SUGCT: variants seen among roughly 807,000 people sequenced by gnomAD.
SUGCT encodes the protein succinyl-CoA:glutarate CoA-transferase.
A neutral mutation model predicts 55.0 loss-of-function variants in SUGCT; 41 were observed. The observed-to-expected ratio is 0.74, with a 90% CI of 0.58 to 0.97. SUGCT has a LOEUF of 0.97. SUGCT is among the 50% of genes least tolerant of loss of function. SUGCT has a pLI of 0.00. For missense variants in SUGCT, 568 were observed against 547.8 expected (o/e 1.04, Z -0.37); for synonymous variants, 187 against 200.4 (o/e 0.93, Z 0.56).
intron 9 of SUGCT, among the ~76,000 whole-genome samples, chr7:40,329,083 TA>T (rs1244280164): frequency 6.6e-6 from 1 of 152,196 alleles, no homozygotes; most frequent in Non-Finnish European, 1.5e-5. Context: ...GTTTTGTTCC[TA>T]GGGGTGTCCA....
At chr7:40,458,735 G>A (rs974388633) in intron 10 of SUGCT, among the ~76,000 whole-genome samples, 40 of 152,160 alleles carry the variant, frequency 2.6e-4, no homozygotes, top group Admixed American at 1.9e-3. Context: ...AATTTGGTCC[G>A]TTTTACCCAG....
intron 12 of SUGCT, among the ~76,000 whole-genome samples, chr7:40,688,983 G>A (rs1256700181): frequency 6.6e-6 from 1 of 152,144 alleles, no homozygotes; most frequent in Non-Finnish European, 1.5e-5. Context: ...CTAACTTAAA[G>A]GACTGTGGAG....
At chr7:40,414,709 C>G (rs1786874921) in intron 9 of SUGCT, among the ~76,000 whole-genome samples, 2 of 151,826 alleles carry the variant, frequency 1.3e-5, no homozygotes, top group South Asian at 4.2e-4. Context: ...GAGTTCGAGA[C>G]CAGCCTTGTC....
the SUGCT span, among the ~76,000 whole-genome samples, chr7:40,991,981 C>A: frequency 6.6e-6 from 1 of 151,988 alleles, no homozygotes; most frequent in African/African-American, 2.4e-5. Flanking sequence ...AGAGGGAATT[C>A]TTTCTTGCTG....
chr7:41,036,949 ACT>A, the SUGCT span, among the ~76,000 whole-genome samples: 1 of 152,036 alleles, frequency 6.6e-6, no homozygotes, highest in East Asian at 1.9e-4. Context: ...TAATTCACAG[ACT>A]CTAACTCAGA....
At chr7:40,300,587 A>G (rs16880181) in intron 8 of SUGCT, among the ~76,000 whole-genome samples, 2,002 of 152,296 alleles carry the variant, frequency 0.013, 15 homozygotes, top group Non-Finnish European at 0.021. Context: ...TCATATGCAA[A>G]TGTGCTGAAT....
chr7:40,600,226 C>T (rs1798226108), intron 12 of SUGCT, among the ~76,000 whole-genome samples: 1 of 152,144 alleles, frequency 6.6e-6, no homozygotes, highest in South Asian at 2.1e-4. Flanking sequence ...AACAGAGTTC[C>T]TGTTCACTCA....
chr7:40,289,466 A>T lies in SUGCT; in HGVS notation c.720+14810A>T, dbSNP rs138668753. 2.5e-4 allele frequency among the ~76,000 whole-genome samples: 38 copies of T among 152,342 alleles called. No individual in the cohort carries two copies. In the East Asian group the frequency reaches 6.7e-3, roughly 27 times the overall value. On this transcript the variant is annotated intron_variant, in intron 8 of 13. Coordinates refer to ENST00000335693, the MANE Select transcript of SUGCT (RefSeq NM_001193313.2). The stretch of plus-strand genomic sequence containing the variant: ...TAGAGCAATTGTAACAATATATTAT[A>T]ATATCTCTCAACAAATTAGGTATTG...
intron 12 of SUGCT, among the ~76,000 whole-genome samples, chr7:40,719,775 TTAG>T (rs1331679480): frequency 6.6e-6 from 1 of 152,016 alleles, no homozygotes; most frequent in Admixed American, 6.6e-5. Context: ...GAGACGTCAC[TTAG>T]TAGGCAGAGC....
chr7:40,510,691 C>T, intron 12 of SUGCT, among the ~76,000 whole-genome samples: 1 of 151,718 alleles, frequency 6.6e-6, no homozygotes, highest in Admixed American at 6.6e-5. Context: ...ATTTTTGTTA[C>T]AAAATTATAT....
At chr7:40,939,544 C>T in the SUGCT span, among the ~76,000 whole-genome samples, 2 of 151,930 alleles carry the variant, frequency 1.3e-5, no homozygotes, top group African/African-American at 2.4e-5. Flanking sequence ...CCCATGCCAA[C>T]ATCTGTTGTT....
At chr7:40,349,821 C>A (rs1407543212) in intron 9 of SUGCT, among the ~76,000 whole-genome samples, 3 of 152,138 alleles carry the variant, frequency 2.0e-5, no homozygotes, top group Admixed American at 6.5e-5. Flanking sequence ...TAAAGGCATA[C>A]CACCACACCC....
chr7:40,209,755 C>T (rs1166604016), intron 6 of SUGCT, among the ~76,000 whole-genome samples: 1 of 152,176 alleles, frequency 6.6e-6, no homozygotes, highest in African/African-American at 2.4e-5. Flanking sequence ...GAGATCGTGC[C>T]ACTGCACTCC....
the SUGCT span, among the ~76,000 whole-genome samples, chr7:41,013,570 G>A: frequency 6.6e-6 from 1 of 152,114 alleles, no homozygotes; most frequent in Non-Finnish European, 1.5e-5. Context: ...GCATAAGTGC[G>A]CAGGTGTCTG....
intron 6 of SUGCT, among the ~76,000 whole-genome samples, chr7:40,209,232 G>T (rs577175679): frequency 6.6e-6 from 1 of 152,186 alleles, no homozygotes; most frequent in Non-Finnish European, 1.5e-5. Context: ...ATGCGGTGGC[G>T]TGACTCATGC....
intron 13 of SUGCT, among the ~76,000 whole-genome samples, chr7:40,784,211 T>C (rs1377800452): frequency 2.0e-5 from 3 of 151,968 alleles, no homozygotes; most frequent in African/African-American, 7.3e-5. Context: ...CCATTTTGTG[T>C]GTGTTGGGGG....
intron 9 of SUGCT, chr7:40,387,772 TG>T (rs1785199594): frequency 6.6e-6 from 1 of 152,186 alleles, no homozygotes; most frequent in East Asian, 1.9e-4. Flanking sequence ...TGGCCCTCAG[TG>T]AGTGCTATGT....
At chr7:40,425,530 G>C (rs889407036) in intron 9 of SUGCT, among the ~76,000 whole-genome samples, 2 of 152,106 alleles carry the variant, frequency 1.3e-5, no homozygotes, top group African/African-American at 4.8e-5. Flanking sequence ...ATTTTGGGAA[G>C]AGAAATGAAA....
At chr7:40,495,831 A>C (rs910281065) in intron 11 of SUGCT, among the ~76,000 whole-genome samples, 2 of 152,198 alleles carry the variant, frequency 1.3e-5, no homozygotes, top group Non-Finnish European at 2.9e-5. Flanking sequence ...TGTGACCATT[A>C]ATTTTTGTGT....
Sources: allele counts gnomAD v4.1 joint callset (sites outside exome capture counted in the v4.1 genomes callset), GRCh38; gene constraint gnomAD v4.1.1; transcripts MANE v1.5; gene names NCBI Gene and HGNC (gene_info 2026-07-23, HGNC 2026-07-21).